Variants in CDKN2B-AS1 observed in about 807,000 individuals in gnomAD.
CDKN2B-AS1 encodes the protein CDKN2B antisense RNA 1 (non-protein coding).
chr9:22,011,929 GAAGA>G (rs959401324), intron 1 of CDKN2B-AS1, among the ~76,000 whole-genome samples: 2 of 152,314 alleles, frequency 1.3e-5, no homozygotes, highest in South Asian at 2.1e-4. Context: ...TTATAATTGA[GAAGA>G]AAGAAAGAGA....
intron 1 of CDKN2B-AS1, among the ~76,000 whole-genome samples, chr9:22,040,997 C>T (rs575365249): frequency 1.1e-4 from 16 of 151,938 alleles, no homozygotes; most frequent in Non-Finnish European, 2.2e-4. Context: ...CGTGTAGAAT[C>T]AGATTTGATT....
intron 4 of CDKN2B-AS1, among the ~76,000 whole-genome samples, chr9:22,086,125 A>G (rs1415586852): frequency 6.6e-6 from 1 of 152,150 alleles, no homozygotes; most frequent in East Asian, 1.9e-4. Flanking sequence ...CATATTTAAA[A>G]TTGGAATAAA....
At chr9:22,037,148 G>A (rs577757318) in intron 1 of CDKN2B-AS1, among the ~76,000 whole-genome samples, 6 of 152,184 alleles carry the variant, frequency 3.9e-5, no homozygotes, top group Non-Finnish European at 8.8e-5. Flanking sequence ...GCCTAAAGTG[G>A]TTGTTCAAGA....
chr9:22,011,684 C>T (rs1821515810), intron 1 of CDKN2B-AS1, among the ~76,000 whole-genome samples: 1 of 152,148 alleles, frequency 6.6e-6, no homozygotes, highest in Non-Finnish European at 1.5e-5. Context: ...CACAGCACAC[C>T]CTTACCAGAC....
Position 22,006,341 on chromosome 9 carries a change from C to A in CDKN2B-AS1, n.29+11180C>A, listed in dbSNP as rs2131182607. On this transcript the variant is annotated intron_variant and non_coding_transcript_variant, in intron 1 of 4. Coordinates refer to ENST00000650946, the Ensembl canonical transcript of CDKN2B-AS1. This position sits in a 1 kb window ranked among gnomAD's most constrained non-coding sequence, Gnocchi z 6.4. Reference sequence around the variant, plus strand: ...GCAGGTGGAGCCATTTAAAGAAACACCTAATTGCAAAGTTTTCACCCAGTG... The same window carrying A: ...GCAGGTGGAGCCATTTAAAGAAACAACTAATTGCAAAGTTTTCACCCAGTG... The A allele has an allele frequency of 6.5e-7, 1 of 1,540,004 alleles. No individual in the cohort carries two copies. Among genetic ancestry groups the A allele is most frequent in the Non-Finnish European group, 8.8e-7 (1 of 1,139,472 alleles).
At chr9:22,008,653 G>C in intron 1 of CDKN2B-AS1, 1 of 1,602,764 alleles carries the variant, frequency 6.2e-7, no homozygotes, top group Non-Finnish European at 8.5e-7. Flanking sequence ...GTAAAAGCCT[G>C]TTTTACGCGT....
intron 4 of CDKN2B-AS1, among the ~76,000 whole-genome samples, chr9:22,121,584 C>T (rs1826105097): frequency 1.3e-5 from 2 of 152,018 alleles, no homozygotes; most frequent in Admixed American, 1.3e-4. Flanking sequence ...TTCTAGTATC[C>T]TCTGTTCTAC....
intron 4 of CDKN2B-AS1, among the ~76,000 whole-genome samples, chr9:22,058,110 C>T (rs1474235497): frequency 6.6e-6 from 1 of 151,774 alleles, no homozygotes; most frequent in East Asian, 1.9e-4. Flanking sequence ...AGGAGATTTG[C>T]TTGAATCCGA....
At chr9:22,107,835 T>C (rs1297398024) in intron 4 of CDKN2B-AS1, among the ~76,000 whole-genome samples, 4 of 152,176 alleles carry the variant, frequency 2.6e-5, no homozygotes, top group African/African-American at 9.7e-5. Context: ...TTAGGTGAAC[T>C]TCCTGTGGAG....
In CDKN2B-AS1 at chr9:21,997,872, G is replaced by C. The variant is rs553996154; in HGVS notation, n.29+2711G>C. On this transcript the variant is annotated intron_variant and non_coding_transcript_variant, in intron 1 of 4. Transcript: ENST00000650946. The surrounding 1 kb of genome is among the most constrained non-coding windows in gnomAD (Gnocchi z 4.8). ...TCACATTATCCCGTCATGCCTGAGG[G>C]GTTCTCTGACCCTCAGTTTTCTGAG... 2.0e-5 allele frequency among the ~76,000 whole-genome samples: 3 copies of C among 152,154 alleles called. No individual in the cohort carries two copies. Among genetic ancestry groups the C allele is most frequent in the Admixed American group, 2.0e-4 (3 of 15,268 alleles).
chr9:22,020,892 T>G (rs1042431776), intron 1 of CDKN2B-AS1, among the ~76,000 whole-genome samples: 1 of 152,206 alleles, frequency 6.6e-6, no homozygotes, highest in African/African-American at 2.4e-5. Context: ...TAGATTGCAT[T>G]TGTCAATTTT....
At chr9:22,110,803 G>C (rs1332718384) in intron 4 of CDKN2B-AS1, among the ~76,000 whole-genome samples, 6 of 152,080 alleles carry the variant, frequency 3.9e-5, no homozygotes, top group Non-Finnish European at 8.8e-5. Flanking sequence ...TCTTGAAAGT[G>C]ATCACTATCC....
At chr9:22,072,251 A>C (rs912876932) in intron 4 of CDKN2B-AS1, among the ~76,000 whole-genome samples, 1 of 152,178 alleles carries the variant, frequency 6.6e-6, no homozygotes, top group Non-Finnish European at 1.5e-5. Flanking sequence ...TAATTCCTTG[A>C]TAGGTTCTTT....
intron 1 of CDKN2B-AS1, among the ~76,000 whole-genome samples, chr9:22,031,388 T>G (rs1370246459): frequency 6.6e-6 from 1 of 152,124 alleles, no homozygotes; most frequent in Non-Finnish European, 1.5e-5. Flanking sequence ...TTATAATAGT[T>G]ATATGAGGTG....
At chr9:22,036,599 C>T (rs1251210399) in intron 1 of CDKN2B-AS1, among the ~76,000 whole-genome samples, 1 of 151,882 alleles carries the variant, frequency 6.6e-6, no homozygotes, top group East Asian at 1.9e-4. Context: ...ATTTGTATTC[C>T]CCTATTAATA....
intron 4 of CDKN2B-AS1, among the ~76,000 whole-genome samples, chr9:22,126,127 T>C (rs1055654730): frequency 1.3e-5 from 2 of 152,308 alleles, no homozygotes; most frequent in South Asian, 2.1e-4. Flanking sequence ...ACATCAACAG[T>C]TGATTAACAC....
rs921509431 is a variant in CDKN2B-AS1 at position 22,057,197 on chromosome 9, A to G, written n.438+810A>G. Among the ~76,000 whole-genome samples, 74 of 152,152 alleles carry G rather than the reference A, an allele frequency of 4.9e-4. 4 individuals carry two copies. The highest frequency in any genetic ancestry group is 7.4e-5 in the Non-Finnish European group (5 of 68,024). Reference sequence around the variant, plus strand: ...AGGGATTGTCTCTTGATTTCTTTCCAAAAGTTAACTCATAAGTTGTTCAGC... The same window carrying G: ...AGGGATTGTCTCTTGATTTCTTTCCGAAAGTTAACTCATAAGTTGTTCAGC... On this transcript the variant is annotated intron_variant and non_coding_transcript_variant, in intron 4 of 4. Transcript: ENST00000650946.
intron 1 of CDKN2B-AS1, among the ~76,000 whole-genome samples, chr9:21,998,771 C>T (rs745654186): frequency 2.6e-5 from 4 of 152,192 alleles, no homozygotes; most frequent in Non-Finnish European, 5.9e-5. Flanking sequence ...ATGACACTAG[C>T]TTTATCCCTT....
At chr9:22,063,783 C>G (rs978301544) in intron 4 of CDKN2B-AS1, among the ~76,000 whole-genome samples, 3 of 152,142 alleles carry the variant, frequency 2.0e-5, no homozygotes, top group Non-Finnish European at 2.9e-5. Flanking sequence ...CTGGAGGACT[C>G]AAAGAGTTTG....
Sources: allele counts gnomAD v4.1 joint callset (sites outside exome capture counted in the v4.1 genomes callset), GRCh38; gene constraint gnomAD v4.1.1; non-coding constraint Gnocchi (gnomAD v3.1); transcripts MANE v1.5; gene names NCBI Gene and HGNC (gene_info 2026-07-23, HGNC 2026-07-21).